The following IL1RAPL2 variants were observed in gnomAD, a reference collection of about 807,000 sequenced individuals.
IL1RAPL2 encodes X-linked interleukin-1 receptor accessory protein-like 2.
Under a neutral mutation model 44.1 loss-of-function variants are expected in IL1RAPL2, and 3 were observed. The ratio of observed to expected loss-of-function variants is 0.07; its 90% confidence interval spans 0.03 to 0.18. The LOEUF (loss-of-function observed/expected upper bound fraction) is 0.18, where lower values mean the gene tolerates loss of function less well. Ranked by LOEUF, IL1RAPL2 falls within the 10% of genes least tolerant of loss-of-function variation. IL1RAPL2 has a pLI of 1.00. For missense variants in IL1RAPL2, 391 were observed against 496.4 expected (o/e 0.79, Z 2.02); for synonymous variants, 181 against 178.8 (o/e 1.01, Z -0.10).
At chrX:105,397,219 GTAA>G (rs1287398554) in intron 5 of IL1RAPL2, among the ~76,000 whole-genome samples, 1 of 110,627 alleles carries the variant, frequency 9.0e-6, no homozygotes, top group Non-Finnish European at 1.9e-5. Context: ...ATATTATAAT[GTAA>G]TAATAATAGA....
intron 2 of IL1RAPL2, among the ~76,000 whole-genome samples, chrX:105,063,403 T>A (rs1403660731): frequency 8.9e-6 from 1 of 112,313 alleles, no homozygotes; most frequent in East Asian, 2.8e-4. Flanking sequence ...TCAGGATTGG[T>A]CCCTAGTGCC....
At chrX:105,054,624 A>T (rs776132490) in intron 2 of IL1RAPL2, among the ~76,000 whole-genome samples, 114 of 112,156 alleles carry the variant, frequency 1.0e-3, no homozygotes, top group African/African-American at 2.8e-3. Context: ...AATTAATTTT[A>T]AAAAAGTCTC....
chrX:105,489,947 C>T (rs2036304021), intron 6 of IL1RAPL2, among the ~76,000 whole-genome samples: 1 of 108,935 alleles, frequency 9.2e-6, no homozygotes, highest in Admixed American at 1.0e-4. Context: ...CCTGTCTCAG[C>T]CTCCCAAGCA....
intron 2 of IL1RAPL2, among the ~76,000 whole-genome samples, chrX:105,129,570 G>A (rs2030100393): frequency 9.0e-6 from 1 of 110,773 alleles, no homozygotes; most frequent in Non-Finnish European, 1.9e-5. Context: ...AAGACTGCAG[G>A]GGTTTTTAGA....
At chrX:105,016,695 G>A (rs2031185201) in intron 2 of IL1RAPL2, among the ~76,000 whole-genome samples, 1 of 111,778 alleles carries the variant, frequency 8.9e-6, no homozygotes, top group Non-Finnish European at 1.9e-5. Flanking sequence ...GCTTTTCGAT[G>A]TGCTGCTGGA....
chrX:104,792,075 T>C (rs762338933), intron 2 of IL1RAPL2, among the ~76,000 whole-genome samples: 3 of 110,884 alleles, frequency 2.7e-5, no homozygotes, highest in Admixed American at 9.6e-5. Flanking sequence ...CTTATCATAG[T>C]ATCTTTGAGA....
At chrX:105,737,786 A>G (rs1051661901) in intron 7 of IL1RAPL2, among the ~76,000 whole-genome samples, 2 of 111,852 alleles carry the variant, frequency 1.8e-5, no homozygotes, top group South Asian at 7.4e-4. Context: ...TTGTTTACCA[A>G]CATCAGGGAG....
At chrX:104,940,388 T>G (rs1470346952) in intron 2 of IL1RAPL2, among the ~76,000 whole-genome samples, 2 of 111,741 alleles carry the variant, frequency 1.8e-5, no homozygotes, top group African/African-American at 6.5e-5. Flanking sequence ...GAGAAATATG[T>G]AAAGGTATTT....
At chrX:105,263,705 G>C (rs191309053) in intron 4 of IL1RAPL2, among the ~76,000 whole-genome samples, 212 of 111,236 alleles carry the variant, frequency 1.9e-3, no homozygotes, top group Non-Finnish European at 2.4e-3. Flanking sequence ...GGCTTTAAGT[G>C]TTGACATTAT....
intron 6 of IL1RAPL2, among the ~76,000 whole-genome samples, chrX:105,673,659 T>C (rs998578946): frequency 8.9e-6 from 1 of 111,896 alleles, no homozygotes; most frequent in Non-Finnish European, 1.9e-5. Flanking sequence ...AATAGAATCA[T>C]TTTTATTTCT....
chrX:105,424,155 A>C (rs1375713457), intron 5 of IL1RAPL2, among the ~76,000 whole-genome samples: 1 of 112,400 alleles, frequency 8.9e-6, no homozygotes, highest in Admixed American at 9.4e-5. Flanking sequence ...TTGAGGATGC[A>C]CACCCGTGAC....
intron 2 of IL1RAPL2, among the ~76,000 whole-genome samples, chrX:105,169,820 A>G: frequency 9.2e-6 from 1 of 108,458 alleles, no homozygotes; most frequent in Non-Finnish European, 1.9e-5. Flanking sequence ...GTGAGCCATC[A>G]CTCCTGGGCC....
intron 3 of IL1RAPL2, among the ~76,000 whole-genome samples, chrX:105,225,564 A>G (rs1341920219): frequency 9.0e-6 from 1 of 111,671 alleles, no homozygotes; most frequent in Admixed American, 9.5e-5. Flanking sequence ...CATTGTTAGG[A>G]GAGAATTCTC....
chrX:105,465,060 A>G (rs1325407091), intron 5 of IL1RAPL2, among the ~76,000 whole-genome samples: 2 of 112,134 alleles, frequency 1.8e-5, no homozygotes, highest in East Asian at 5.6e-4. Context: ...ACAATTTTGA[A>G]CAAAACAACA....
chrX:105,284,200 A>C (rs1183221686), intron 5 of IL1RAPL2, among the ~76,000 whole-genome samples: 2 of 111,753 alleles, frequency 1.8e-5, no homozygotes, highest in Non-Finnish European at 3.8e-5. Context: ...AAGGAACTCA[A>C]ACTTGAGAAG....
intron 2 of IL1RAPL2, among the ~76,000 whole-genome samples, chrX:104,877,277 T>C (rs2147655953): frequency 9.0e-6 from 1 of 111,135 alleles, no homozygotes; most frequent in African/African-American, 3.3e-5. Context: ...ATGGTATTTC[T>C]AGTTCTAGAT....
intron 1 of IL1RAPL2, among the ~76,000 whole-genome samples, chrX:104,641,160 G>A (rs1457573738): frequency 5.4e-5 from 6 of 111,985 alleles, no homozygotes; most frequent in Non-Finnish European, 1.1e-4. Context: ...TACGCTTCAG[G>A]CCTGCAGGTG....
At chrX:105,158,624 T>C (rs995014859) in intron 2 of IL1RAPL2, among the ~76,000 whole-genome samples, 2 of 112,482 alleles carry the variant, frequency 1.8e-5, no homozygotes, top group Non-Finnish European at 3.7e-5. Context: ...TTGCCATTGC[T>C]ACCTTGCTAG....
At chrX:104,587,833 A>G (rs943008058) in intron 1 of IL1RAPL2, among the ~76,000 whole-genome samples, 3 of 112,070 alleles carry the variant, frequency 2.7e-5, no homozygotes, top group African/African-American at 9.7e-5. Flanking sequence ...TGACAATAGA[A>G]ATAATAACTT....
Sources: gnomAD v4.1 joint callset for allele counts (sites outside exome capture counted in the v4.1 genomes callset) on GRCh38, gnomAD v4.1.1 for gene constraint, MANE v1.5 for transcripts, NCBI Gene and HGNC (gene_info 2026-07-23, HGNC 2026-07-21) for gene names.